Variants in DPP10 observed in about 807,000 individuals in gnomAD.
DPP10 encodes the protein inactive dipeptidyl peptidase 10.
A neutral mutation model predicts 120.9 loss-of-function variants in DPP10; 33 were observed. The ratio of observed to expected loss-of-function variants is 0.27; its 90% CI spans 0.21 to 0.37. DPP10 has a LOEUF of 0.37. Among genes scored for constraint, DPP10 ranks in the 10% least tolerant of loss-of-function variants. The pLI, the probability that DPP10 is intolerant of heterozygous loss-of-function variation, is 1.00. For synonymous variants in DPP10, 337 were observed against 326.1 expected (o/e 1.03, Z -0.36); for missense variants, 816 against 942.8 (o/e 0.87, Z 1.76).
chr2:114,911,315 G>A (rs553474142), intron 1 of DPP10, among the ~76,000 whole-genome samples: 101 of 152,154 alleles, frequency 6.6e-4, no homozygotes, highest in African/African-American at 2.2e-3. Context: ...TGTTTGTAGA[G>A]CCCTAATGAA....
intron 5 of DPP10, among the ~76,000 whole-genome samples, chr2:115,589,048 G>T (rs1398635654): frequency 6.6e-6 from 1 of 152,128 alleles, no homozygotes; most frequent in African/African-American, 2.4e-5. Flanking sequence ...TATTAAAAAT[G>T]ACATAGGCAT....
chr2:114,559,271 C>T (rs1006890154), intron 1 of DPP10, among the ~76,000 whole-genome samples: 3 of 152,012 alleles, frequency 2.0e-5, no homozygotes, highest in Non-Finnish European at 4.4e-5. Flanking sequence ...CACAAGAGTC[C>T]CCGCATGAGG....
intron 1 of DPP10, among the ~76,000 whole-genome samples, chr2:114,636,380 G>A (rs1168647925): frequency 2.0e-5 from 3 of 151,958 alleles, no homozygotes; most frequent in African/African-American, 7.3e-5. Flanking sequence ...CTGCAGGCGA[G>A]TGGCCTTGAA....
At chr2:114,952,012 C>T (rs1298612649) in intron 1 of DPP10, among the ~76,000 whole-genome samples, 2 of 151,756 alleles carry the variant, frequency 1.3e-5, no homozygotes, top group African/African-American at 2.4e-5. Context: ...TACATAAGTA[C>T]TATATTTTAT....
intron 3 of DPP10, among the ~76,000 whole-genome samples, chr2:115,377,374 C>A (rs1341970085): frequency 6.6e-6 from 1 of 152,046 alleles, no homozygotes; most frequent in African/African-American, 2.4e-5. Flanking sequence ...CTGTTCATGT[C>A]CTTCACCCAC....
intron 3 of DPP10, among the ~76,000 whole-genome samples, chr2:115,467,104 G>A (rs539580908): frequency 3.9e-5 from 6 of 152,218 alleles, no homozygotes; most frequent in Non-Finnish European, 5.9e-5. Context: ...TTTGGAAGGC[G>A]TGGGGAAAAT....
At chr2:115,222,777 A>G (rs942278245) in intron 1 of DPP10, among the ~76,000 whole-genome samples, 26 of 152,288 alleles carry the variant, frequency 1.7e-4, no homozygotes, top group African/African-American at 5.5e-4. Context: ...TAATTTGCCC[A>G]AATTTGTCCT....
At chr2:115,655,553 C>T (rs1302784902) in intron 5 of DPP10, among the ~76,000 whole-genome samples, 1 of 151,508 alleles carries the variant, frequency 6.6e-6, no homozygotes, top group Admixed American at 6.6e-5. Context: ...CTTCTGTTTC[C>T]TACTCAATAT....
intron 5 of DPP10, among the ~76,000 whole-genome samples, chr2:115,589,440 G>A (rs561460087): frequency 6.6e-6 from 1 of 152,256 alleles, no homozygotes; most frequent in Non-Finnish European, 1.5e-5. Context: ...AACTTGGAGG[G>A]AAAGAACCTG....
intron 1 of DPP10, among the ~76,000 whole-genome samples, chr2:115,244,300 T>C (rs1038608546): frequency 6.7e-6 from 1 of 149,686 alleles, no homozygotes; most frequent in Admixed American, 6.7e-5. Flanking sequence ...ATGAATGATA[T>C]GAATGTGTAC....
chr2:115,738,627 A>G (rs1040251851), intron 8 of DPP10, among the ~76,000 whole-genome samples: 1 of 152,098 alleles, frequency 6.6e-6, no homozygotes, highest in African/African-American at 2.4e-5. Flanking sequence ...ATTCCATGTC[A>G]CCACCACTGA....
chr2:115,739,276 T>C (rs1676963821), intron 8 of DPP10, among the ~76,000 whole-genome samples: 3 of 151,964 alleles, frequency 2.0e-5, no homozygotes, highest in Non-Finnish European at 4.4e-5. Context: ...TTGAATTAAA[T>C]GAAAGATACC....
chr2:114,614,878 C>T (rs1369834211), intron 1 of DPP10, among the ~76,000 whole-genome samples: 2 of 152,114 alleles, frequency 1.3e-5, no homozygotes, highest in Non-Finnish European at 2.9e-5. Flanking sequence ...TCAACACAGC[C>T]AGTCAATTCT....
At chr2:115,679,487 C>T (rs578043002) in intron 5 of DPP10, among the ~76,000 whole-genome samples, 9 of 152,264 alleles carry the variant, frequency 5.9e-5, no homozygotes, top group Non-Finnish European at 1.3e-4. Context: ...GAGGCCTTCC[C>T]AGCCATTTGG....
chr2:115,086,101 A>G (rs994508543), intron 1 of DPP10, among the ~76,000 whole-genome samples: 1 of 152,222 alleles, frequency 6.6e-6, no homozygotes, highest in Non-Finnish European at 1.5e-5. Flanking sequence ...GTTGGGAAAG[A>G]TCTGCATCTG....
intron 5 of DPP10, among the ~76,000 whole-genome samples, chr2:115,637,572 G>A (rs1346648192): frequency 6.6e-6 from 1 of 152,056 alleles, no homozygotes; most frequent in Non-Finnish European, 1.5e-5. Flanking sequence ...GAAATATATT[G>A]TTAGGAGAGC....
intron 1 of DPP10, among the ~76,000 whole-genome samples, chr2:114,845,105 G>A (rs572533207): frequency 9.9e-5 from 15 of 152,128 alleles, no homozygotes; most frequent in African/African-American, 2.7e-4. Context: ...ATCAGGCTGC[G>A]TCATGTGATA....
rs2088332359 is a variant in DPP10 at position 115,656,299 on chromosome 2, G to C, written c.442-33388G>C. 2.6e-5 allele frequency among the ~76,000 whole-genome samples: 4 copies of C among 151,544 alleles called. No individual in the cohort carries two copies. In the South Asian group the frequency reaches 6.2e-4, roughly 24 times the overall value. On this transcript the variant is annotated intron_variant, in intron 5 of 25. Transcript: ENST00000410059. Reference sequence around the variant, plus strand: ...TATCAATAAAGCTAAATAATACAATGGAAAATTCAGAATAAGACAGAGATG... The same window carrying C: ...TATCAATAAAGCTAAATAATACAATCGAAAATTCAGAATAAGACAGAGATG...
At chr2:114,864,210 T>G (rs1690045200) in intron 1 of DPP10, among the ~76,000 whole-genome samples, 1 of 152,170 alleles carries the variant, frequency 6.6e-6, no homozygotes. Context: ...AAATCTACAT[T>G]TCTCACTCTT....
Sources: gnomAD v4.1 joint callset for allele counts (sites outside exome capture counted in the v4.1 genomes callset) on GRCh38, gnomAD v4.1.1 for gene constraint, MANE v1.5 for transcripts, NCBI Gene and HGNC (gene_info 2026-07-23, HGNC 2026-07-21) for gene names.